GPC6: variants seen among roughly 807,000 people sequenced by gnomAD.
GPC6 encodes the protein glypican 6, also known as glypican-6.
In GPC6, 14 loss-of-function variants were observed where a neutral mutation model predicts 55.2. The observed-to-expected ratio is 0.25, with a 90% CI of 0.17 to 0.40. The LOEUF (loss-of-function observed/expected upper bound fraction) is 0.40, where lower values mean the gene tolerates loss of function less well. GPC6 is among the 10% of genes least tolerant of loss of function. GPC6 has a pLI of 1.00. For synonymous variants in GPC6, 278 were observed against 259.6 expected (o/e 1.07, Z -0.68); for missense variants, 641 against 708.5 (o/e 0.90, Z 1.08).
chr13:93,369,903 G>A (rs113567646), intron 1 of GPC6, among the ~76,000 whole-genome samples: 2 of 152,200 alleles, frequency 1.3e-5, no homozygotes, highest in African/African-American at 4.8e-5. Context: ...TCCATGGCCT[G>A]CTGTATTCAA....
chr13:94,309,453 A>G (rs955877737), intron 6 of GPC6, among the ~76,000 whole-genome samples: 1 of 152,194 alleles, frequency 6.6e-6, no homozygotes, highest in East Asian at 1.9e-4. Flanking sequence ...TATACCTTAT[A>G]TAAAATAATT....
At chr13:93,247,409 TCTC>T (rs1284238667) in intron 1 of GPC6, among the ~76,000 whole-genome samples, 1 of 152,190 alleles carries the variant, frequency 6.6e-6, no homozygotes, top group Non-Finnish European at 1.5e-5. Context: ...ATTATTAGCT[TCTC>T]CTCCAACTAT....
chr13:93,698,041 T>A (rs1195514083), intron 2 of GPC6, among the ~76,000 whole-genome samples: 2 of 152,160 alleles, frequency 1.3e-5, no homozygotes, highest in East Asian at 1.9e-4. Context: ...TATCCTAAAG[T>A]GGAGAAATTC....
In GPC6 at chr13:93,841,072, G is replaced by A. The variant is rs116700478; in HGVS notation, c.711+10527G>A. On this transcript the variant is annotated intron_variant, in intron 3 of 8. Coordinates refer to ENST00000377047, the MANE Select transcript of GPC6 (RefSeq NM_005708.5). ...TGTACGAGTGAGGAGGGTAGGCAAGGTGTGTGATACCATGGGCCCAACTTG... is the reference window on the plus strand; with the variant it reads ...TGTACGAGTGAGGAGGGTAGGCAAGATGTGTGATACCATGGGCCCAACTTG... Among the ~76,000 whole-genome samples the A allele has an allele frequency of 9.0e-3, 1,363 of 152,274 alleles. 28 individuals are homozygous for A. The highest frequency in any genetic ancestry group is 0.031 in the African/African-American group (1,299 of 41,560).
chr13:94,274,029 A>G (rs1361449710), intron 4 of GPC6, among the ~76,000 whole-genome samples: 1 of 152,228 alleles, frequency 6.6e-6, no homozygotes, highest in East Asian at 1.9e-4. Context: ...CTGGCTTATG[A>G]TGTAACTAAA....
chr13:93,577,881 C>T (rs1876739548), intron 2 of GPC6, among the ~76,000 whole-genome samples: 1 of 151,996 alleles, frequency 6.6e-6, no homozygotes, highest in Non-Finnish European at 1.5e-5. Flanking sequence ...GAGGTATGTT[C>T]CTTCTATACC....
chr13:93,382,164 A>G (rs1049726204), intron 1 of GPC6, among the ~76,000 whole-genome samples: 1 of 152,166 alleles, frequency 6.6e-6, no homozygotes, highest in African/African-American at 2.4e-5. Flanking sequence ...TAAAGCTGAT[A>G]TTGACTAGTG....
intron 3 of GPC6, among the ~76,000 whole-genome samples, chr13:93,920,718 T>G (rs1488163217): frequency 6.6e-6 from 1 of 152,152 alleles, no homozygotes; most frequent in Non-Finnish European, 1.5e-5. Flanking sequence ...GCCCCCTAGT[T>G]CAAGCTCCTA....
intron 4 of GPC6, among the ~76,000 whole-genome samples, chr13:94,070,303 G>T (rs1406969293): frequency 6.6e-6 from 1 of 152,142 alleles, no homozygotes; most frequent in African/African-American, 2.4e-5. Context: ...CTCCCACCAG[G>T]TTCCTCCTGT....
chr13:93,351,035 C>G (rs1003675552), intron 1 of GPC6, among the ~76,000 whole-genome samples: 3 of 151,938 alleles, frequency 2.0e-5, no homozygotes, highest in Non-Finnish European at 4.4e-5. Context: ...TAAAGTATAA[C>G]AACAGTAATA....
chr13:93,831,164 C>T (rs1887477933), intron 3 of GPC6, among the ~76,000 whole-genome samples: 2 of 152,162 alleles, frequency 1.3e-5, no homozygotes, highest in Admixed American at 6.5e-5. Context: ...TAATTTCATA[C>T]CATGCATTGC....
chr13:93,320,731 C>T (rs995211583), intron 1 of GPC6, among the ~76,000 whole-genome samples: 10 of 152,068 alleles, frequency 6.6e-5, no homozygotes, highest in Middle Eastern at 3.4e-3. Flanking sequence ...TGTAGTATAG[C>T]AGTAAATTGA....
chr13:93,970,381 G>C (rs1880233570), intron 3 of GPC6, among the ~76,000 whole-genome samples: 1 of 152,200 alleles, frequency 6.6e-6, no homozygotes, highest in Admixed American at 6.5e-5. Context: ...GAAGGCTGTA[G>C]ATAGGGAGCA....
At chr13:93,393,123 T>G (rs1270721686) in intron 1 of GPC6, among the ~76,000 whole-genome samples, 108 of 94,656 alleles carry the variant, frequency 1.1e-3, no homozygotes, top group African/African-American at 3.3e-3. Context: ...TATATATATA[T>G]ATATAGAGAG....
intron 4 of GPC6, among the ~76,000 whole-genome samples, chr13:94,185,119 A>G (rs904299974): frequency 2.6e-5 from 4 of 152,174 alleles, no homozygotes; most frequent in Non-Finnish European, 5.9e-5. Context: ...ACCTGGGAAC[A>G]GTAAACACTG....
chr13:94,371,977 C>T (rs9589978), intron 6 of GPC6, among the ~76,000 whole-genome samples: 7,572 of 152,172 alleles, frequency 0.05, 618 homozygotes, highest in African/African-American at 0.17. Context: ...TCAAAATTAT[C>T]AAAGTTCTTA....
intron 3 of GPC6, among the ~76,000 whole-genome samples, chr13:94,023,712 A>G (rs1373539506): frequency 1.3e-4 from 20 of 152,090 alleles, no homozygotes; most frequent in Admixed American, 1.3e-3. Context: ...TAAGAAAGTA[A>G]TGGAAACAAC....
At chr13:93,251,455 A>G (rs904758487) in intron 1 of GPC6, among the ~76,000 whole-genome samples, 5 of 152,250 alleles carry the variant, frequency 3.3e-5, no homozygotes, top group African/African-American at 1.2e-4. Context: ...TTACATAAAC[A>G]ATATGAAAAC....
intron 3 of GPC6, among the ~76,000 whole-genome samples, chr13:93,977,085 A>G (rs1211465564): frequency 6.6e-6 from 1 of 152,118 alleles, no homozygotes; most frequent in Non-Finnish European, 1.5e-5. Flanking sequence ...ACTGACACCC[A>G]TGGATTTCAA....
Sources: allele counts gnomAD v4.1 joint callset (sites outside exome capture counted in the v4.1 genomes callset), GRCh38; gene constraint gnomAD v4.1.1; transcripts MANE v1.5; gene names NCBI Gene and HGNC (gene_info 2026-07-23, HGNC 2026-07-21).